The following MALRD1 variants were observed in gnomAD, a reference collection of about 807,000 sequenced individuals.
The protein encoded by MALRD1 is MAM and LDL receptor class A domain containing 1, also known as MAM and LDL-receptor class A domain-containing protein 1.
MALRD1 carries 247 observed loss-of-function variants against 242.1 expected under a neutral mutation model. The observed-to-expected ratio is 1.02, with a 90% confidence interval of 0.92 to 1.13. The LOEUF is 1.13. Ranked by LOEUF, MALRD1 falls within the 50% of genes most tolerant of loss-of-function variation. The pLI is 0.00. For missense variants in MALRD1, 2,989 were observed against 2,533.1 expected, an observed-to-expected ratio of 1.18 and a Z score of -3.86; for synonymous variants, 995 against 866.6, an observed-to-expected ratio of 1.15 and a Z score of -2.60.
In MALRD1 at chr10:19,205,066, T is replaced by TA; in HGVS notation, c.2382dup (p.Val795SerfsTer7). The TA allele has an allele frequency of 6.4e-7, 1 of 1,550,770 alleles. No homozygotes were observed. The highest frequency in any genetic ancestry group is 8.7e-7 in the Non-Finnish European group (1 of 1,147,022). On this transcript the variant is annotated frameshift_variant, in exon 17 of 40. Coordinates refer to ENST00000454679, the MANE Select transcript of MALRD1 (RefSeq NM_001142308.3). LOFTEE classifies it high-confidence loss of function. ...CGCAGCCCTTCCATTTGTCACTAGA[T>TA]AAAGTCAGTCTGGGCATTTATGATG...
chr10:19,464,264 T>C (rs968096574), intron 29 of MALRD1, among the ~76,000 whole-genome samples: 1 of 152,228 alleles, frequency 6.6e-6, no homozygotes, highest in African/African-American at 2.4e-5. Context: ...TTTTGGGTTC[T>C]TGGTCGTGAA....
intron 31 of MALRD1, among the ~76,000 whole-genome samples, chr10:19,501,568 G>T (rs920989060): frequency 6.6e-6 from 1 of 152,160 alleles, no homozygotes; most frequent in Admixed American, 6.5e-5. Flanking sequence ...TTCTAAAGCA[G>T]ACAACAACTA....
At chr10:19,670,682 A>G (rs947634125) in intron 36 of MALRD1, among the ~76,000 whole-genome samples, 1 of 152,102 alleles carries the variant, frequency 6.6e-6, no homozygotes, top group Non-Finnish European at 1.5e-5. Context: ...CCCTGACTCC[A>G]CCAACAACCT....
Position 19,135,433 on chromosome 10 carries a change from T to A in MALRD1, c.1204-1141T>A, listed in dbSNP as rs369697901. Reference sequence around the variant, plus strand: ...CCTCACAAAGTGCTGGGATTACAGGTGTGGGTCACTGCACCTGACCTATCC... The same window carrying A: ...CCTCACAAAGTGCTGGGATTACAGGAGTGGGTCACTGCACCTGACCTATCC... On this transcript the variant is annotated intron_variant, in intron 9 of 39. Transcript: ENST00000454679. Among the ~76,000 whole-genome samples, 22 of 152,238 alleles carry A rather than the reference T, an allele frequency of 1.4e-4. No homozygotes were observed. In the East Asian group the frequency reaches 4.3e-3, roughly 30 times the overall value.
intron 36 of MALRD1, among the ~76,000 whole-genome samples, chr10:19,683,504 C>T (rs1842458250): frequency 6.6e-6 from 1 of 152,164 alleles, no homozygotes; most frequent in South Asian, 2.1e-4. Context: ...CCTGACTCTC[C>T]CAAAGCCACA....
rs540331347 is a variant in MALRD1 at position 19,178,818 on chromosome 10, A to G, written c.1951+3490A>G. Among the ~76,000 whole-genome samples the G allele has an allele frequency of 4.6e-5, 7 of 152,318 alleles. No individual in the cohort carries two copies. The South Asian group carries it at 1.2e-3, about 27-fold the overall frequency. ...CCAACTGAGTGCCCAAAGGGAGCACATGAAACTAATTGCTGTGAGTGCATT... is the reference window on the plus strand; with the variant it reads ...CCAACTGAGTGCCCAAAGGGAGCACGTGAAACTAATTGCTGTGAGTGCATT... On this transcript the variant is annotated intron_variant, in intron 14 of 39. Transcript: ENST00000454679.
At chr10:19,386,376 G>A (rs1011016592) in intron 26 of MALRD1, among the ~76,000 whole-genome samples, 14 of 150,700 alleles carry the variant, frequency 9.3e-5, no homozygotes, top group African/African-American at 3.4e-4. Flanking sequence ...AGCAAGGAGT[G>A]ATGTTATCAG....
chr10:19,709,479 T>C (rs950508464), intron 38 of MALRD1, among the ~76,000 whole-genome samples: 1 of 152,188 alleles, frequency 6.6e-6, no homozygotes. Flanking sequence ...GAAATTATAA[T>C]CTTTGTGTTG....
At chr10:19,727,313 G>A (rs558139637) in intron 38 of MALRD1, among the ~76,000 whole-genome samples, 1 of 152,008 alleles carries the variant, frequency 6.6e-6, no homozygotes, top group African/African-American at 2.4e-5. Context: ...TTTCCCATTT[G>A]TAATAGTTTC....
At chr10:19,396,796 A>G (rs1230133219) in intron 28 of MALRD1, among the ~76,000 whole-genome samples, 1 of 152,162 alleles carries the variant, frequency 6.6e-6, no homozygotes, top group Admixed American at 6.5e-5. Context: ...TACAGAGGAG[A>G]GGTGACTACT....
At chr10:19,636,914 C>G (rs974471883) in intron 36 of MALRD1, among the ~76,000 whole-genome samples, 1 of 136,482 alleles carries the variant, frequency 7.3e-6, no homozygotes, top group Non-Finnish European at 1.6e-5. Context: ...AAAAAAAAAA[C>G]GCAGAGTAGA....
intron 35 of MALRD1, among the ~76,000 whole-genome samples, chr10:19,610,981 G>A (rs923465353): frequency 6.6e-6 from 1 of 151,876 alleles, no homozygotes; most frequent in African/African-American, 2.4e-5. Flanking sequence ...GGAAGAAAAG[G>A]AAGAGAAGAA....
rs1834522805 is a variant in MALRD1, at chr10:19,439,644, C to A, written c.4846-10663C>A. 5.9e-5 allele frequency among the ~76,000 whole-genome samples: 9 copies of A among 152,142 alleles called. No individual in the cohort carries two copies. The South Asian group carries it at 1.9e-3, about 32-fold the overall frequency. ...AGAGTGCAGTACATTAGCTATACAA[C>A]TATACTAATTAGCTGAAAATACAGT... On this transcript the variant is annotated intron_variant, in intron 28 of 39. Coordinates refer to ENST00000454679, the MANE Select transcript of MALRD1 (RefSeq NM_001142308.3).
chr10:19,557,486 TC>T (rs1020489052), intron 32 of MALRD1, among the ~76,000 whole-genome samples: 2 of 152,128 alleles, frequency 1.3e-5, no homozygotes, highest in Non-Finnish European at 2.9e-5. Context: ...GTGTCTAGAT[TC>T]TTTTTTTTTT....
chr10:19,262,417 A>G (rs150110243), intron 19 of MALRD1, among the ~76,000 whole-genome samples: 2,290 of 152,012 alleles, frequency 0.015, 63 homozygotes, highest in African/African-American at 0.052. Context: ...GCACTTTGGG[A>G]AGCTGAGGTG....
chr10:19,410,111 A>T (rs1168854056), intron 28 of MALRD1, among the ~76,000 whole-genome samples: 1 of 152,146 alleles, frequency 6.6e-6, no homozygotes, highest in Non-Finnish European at 1.5e-5. Flanking sequence ...CATGTCACGT[A>T]ATTACTACAT....
In MALRD1 at chr10:19,464,421, T is replaced by A. The variant is rs572425340; in HGVS notation, c.5029+13931T>A. Among the ~76,000 whole-genome samples, 209 of 152,352 alleles carry A rather than the reference T, an allele frequency of 1.4e-3. 2 individuals are homozygous for A. The highest frequency in any genetic ancestry group is 4.9e-3 in the African/African-American group (204 of 41,584). On this transcript the variant is annotated intron_variant, in intron 29 of 39. Transcript: ENST00000454679. ...AGATGAGGACCCAGTTGCATTCTCC[T>A]ACATGTGGCTTGCCAATTATCCCAG...
In MALRD1 at chr10:19,726,648, A is replaced by G. The variant is rs1414625330; in HGVS notation, c.6315-4058A>G. Reference sequence around the variant, plus strand: ...GACTTAAACAGATATTCATGCAGCAATGTTCCCCATAGCAGTATTCACAAT... The same window carrying G: ...GACTTAAACAGATATTCATGCAGCAGTGTTCCCCATAGCAGTATTCACAAT... On this transcript the variant is annotated intron_variant, in intron 38 of 39. Coordinates refer to ENST00000454679, the MANE Select transcript of MALRD1 (RefSeq NM_001142308.3). Among the ~76,000 whole-genome samples, 6 of 152,306 alleles carry G rather than the reference A, an allele frequency of 3.9e-5. No homozygotes were observed. In the South Asian group the frequency reaches 6.2e-4, roughly 16 times the overall value.
chr10:19,268,255 A>T (rs935099978), intron 19 of MALRD1, among the ~76,000 whole-genome samples: 2 of 152,176 alleles, frequency 1.3e-5, no homozygotes, highest in African/African-American at 2.4e-5. Context: ...CAGAAAAAAA[A>T]AAGCACTGCA....
Sources: allele counts gnomAD v4.1 joint callset (sites outside exome capture counted in the v4.1 genomes callset), GRCh38; gene constraint gnomAD v4.1.1; transcripts MANE v1.5; gene names NCBI Gene and HGNC (gene_info 2026-07-23, HGNC 2026-07-21).